The following FBXW11 variants were observed in gnomAD, a reference collection of about 807,000 sequenced individuals.
The protein encoded by FBXW11 is F-box and WD repeat domain containing 11, also known as F-box/WD repeat-containing protein 11.
A neutral mutation model predicts 77.6 loss-of-function variants in FBXW11; 19 were observed. That is an observed-to-expected ratio of 0.24 (90% CI 0.17 to 0.36). The LOEUF (loss-of-function observed/expected upper bound fraction) is 0.36, where lower values mean the gene tolerates loss of function less well. FBXW11 is among the 10% of genes least tolerant of loss of function. The pLI is 1.00. For missense variants in FBXW11, 334 were observed against 704.2 expected (o/e 0.47, Z 5.95); for synonymous variants, 235 against 249.4 (o/e 0.94, Z 0.54).
intron 1 of FBXW11, among the ~76,000 whole-genome samples, chr5:171,960,141 C>T (rs570073595): frequency 3.2e-4 from 49 of 152,274 alleles, no homozygotes; most frequent in Admixed American, 1.8e-3. Context: ...TTTGGGAGGC[C>T]GAGGTGGTGG....
chr5:171,867,741 A>G (rs1441183535), intron 13 of FBXW11: 1 of 152,254 alleles, frequency 6.6e-6, no homozygotes, highest in Non-Finnish European at 1.5e-5. Context: ...GAAAATATGT[A>G]ATGATAAAAG....
chr5:171,957,510 C>A (rs914540587), intron 2 of FBXW11, 87 bp downstream of exon 2: 2 of 1,197,052 alleles, frequency 1.7e-6, no homozygotes, highest in African/African-American at 3.0e-5. Context: ...GCAGACTTAA[C>A]ATTGGATTAA....
intron 1 of FBXW11, among the ~76,000 whole-genome samples, chr5:172,001,223 C>T (rs974797848): frequency 4.6e-5 from 7 of 152,146 alleles, no homozygotes; most frequent in Non-Finnish European, 5.9e-5. Flanking sequence ...ATATTGAGCA[C>T]CCATGTGCTG....
chr5:171,939,911 A>G (rs1478976821), intron 2 of FBXW11, among the ~76,000 whole-genome samples: 1 of 152,140 alleles, frequency 6.6e-6, no homozygotes, highest in East Asian at 1.9e-4. Flanking sequence ...GTGGAATAGT[A>G]TTTGCATGTA....
intron 2 of FBXW11, among the ~76,000 whole-genome samples, chr5:171,923,510 T>A (rs1482590506): frequency 6.6e-6 from 1 of 152,218 alleles, no homozygotes; most frequent in African/African-American, 2.4e-5. Context: ...GGTTTTATTT[T>A]ACCTTGTACA....
rs750836230 is a variant in FBXW11, at chr5:171,878,082, G to A, written c.900C>T (p.His300=). The A allele has an allele frequency of 5.6e-6, 9 of 1,614,044 alleles. No individual in the cohort carries two copies. The highest frequency in any genetic ancestry group is 7.6e-6 in the Non-Finnish European group (9 of 1,179,946). Residue 300 remains histidine, a synonymous_variant, in exon 8 of 14, where the codon CAC becomes CAT. Coordinates refer to ENST00000517395, the MANE Select transcript of FBXW11 (RefSeq NM_001378974.1). ...ACTGCAGACAGAGGACAGAGCCTGTGTGTCCTGTTAACACTTTCAAACATT... is the reference window on the plus strand; with the variant it reads ...ACTGCAGACAGAGGACAGAGCCTGTATGTCCTGTTAACACTTTCAAACATT... ...SLECLKVLTG[H]TGSVLCLQYD...
chr5:171,943,330 A>C (rs1378642067), intron 2 of FBXW11, among the ~76,000 whole-genome samples: 1 of 152,204 alleles, frequency 6.6e-6, no homozygotes, highest in African/African-American at 2.4e-5. Context: ...GAGTAACTCC[A>C]TTCTAAGTGA....
chr5:171,999,797 C>A (rs907373471), intron 1 of FBXW11, among the ~76,000 whole-genome samples: 44 of 151,862 alleles, frequency 2.9e-4, no homozygotes, highest in African/African-American at 1.1e-3. Context: ...ATTTACACAC[C>A]TCTCTATCAC....
intron 1 of FBXW11, among the ~76,000 whole-genome samples, chr5:171,959,674 C>T (rs1430166636): frequency 6.6e-6 from 1 of 151,618 alleles, no homozygotes; most frequent in Non-Finnish European, 1.5e-5. Flanking sequence ...ATGGTGAAAC[C>T]CCGTCTCTAC....
At chr5:171,937,091 T>C (rs1003908087) in intron 2 of FBXW11, among the ~76,000 whole-genome samples, 1 of 152,226 alleles carries the variant, frequency 6.6e-6, no homozygotes, top group Non-Finnish European at 1.5e-5. Flanking sequence ...TTCATAACTA[T>C]TGTTGGATAA....
At chr5:171,984,246 C>T (rs937925658) in intron 1 of FBXW11, among the ~76,000 whole-genome samples, 3 of 152,212 alleles carry the variant, frequency 2.0e-5, no homozygotes, top group African/African-American at 4.8e-5. Context: ...AGTGGTTACA[C>T]GATGTGCTGT....
chr5:171,889,081 AT>A (rs1759119748), intron 7 of FBXW11, among the ~76,000 whole-genome samples: 1 of 152,228 alleles, frequency 6.6e-6, no homozygotes, highest in Admixed American at 6.5e-5. Context: ...ACAGAAAAAA[AT>A]ATTTGAAAAA....
At chr5:171,917,869 A>G (rs900961984) in intron 2 of FBXW11, among the ~76,000 whole-genome samples, 9 of 151,978 alleles carry the variant, frequency 5.9e-5, no homozygotes, top group African/African-American at 2.2e-4. Flanking sequence ...ACACTCCATT[A>G]AGATACAAAA....
intron 2 of FBXW11, among the ~76,000 whole-genome samples, chr5:171,925,746 C>A (rs1310223679): frequency 2.0e-5 from 3 of 152,168 alleles, no homozygotes; most frequent in Admixed American, 6.5e-5. Context: ...CGCCAGTAAG[C>A]ACCACTGATT....
intron 2 of FBXW11, among the ~76,000 whole-genome samples, chr5:171,919,277 C>CA (rs2113976082): frequency 6.6e-6 from 1 of 152,260 alleles, no homozygotes; most frequent in Admixed American, 6.5e-5. Flanking sequence ...GTTTTCCTTT[C>CA]AAGTTCTCCA....
chr5:172,004,602 A>G (rs1049462459), intron 1 of FBXW11, among the ~76,000 whole-genome samples: 1 of 152,196 alleles, frequency 6.6e-6, no homozygotes, highest in African/African-American at 2.4e-5. Context: ...TTTTAAAGGA[A>G]TAGAAATGGA....
chr5:172,006,417 G>C (rs776769517), intron 1 of FBXW11, 41 bp downstream of exon 1: 3 of 1,506,148 alleles, frequency 2.0e-6, no homozygotes, highest in Middle Eastern at 1.7e-4. Flanking sequence ...GCCCGGGGCC[G>C]GACGGACGGA....
At chr5:171,926,485 A>G (rs890603710) in intron 2 of FBXW11, among the ~76,000 whole-genome samples, 57 of 152,182 alleles carry the variant, frequency 3.7e-4, no homozygotes, top group Admixed American at 3.5e-3. Context: ...GCGGTTTCTC[A>G]TGGTTTAACA....
chr5:171,919,458 C>T (rs1375239945), intron 2 of FBXW11, among the ~76,000 whole-genome samples: 2 of 151,300 alleles, frequency 1.3e-5, no homozygotes, highest in Admixed American at 1.3e-4. Context: ...AACGCCTGTT[C>T]CTGGGTGTCT....
Sources: allele counts gnomAD v4.1 joint callset (sites outside exome capture counted in the v4.1 genomes callset), GRCh38; gene constraint gnomAD v4.1.1; transcripts MANE v1.5; gene names NCBI Gene and HGNC (gene_info 2026-07-23, HGNC 2026-07-21).